The following HK1 variants were observed in gnomAD, a reference collection of about 807,000 sequenced individuals.
The protein encoded by HK1 is hexokinase 1.
A neutral mutation model predicts 91.6 loss-of-function variants in HK1; 28 were observed. The ratio of observed to expected loss-of-function variants is 0.31; its 90% CI spans 0.23 to 0.42. The LOEUF (loss-of-function observed/expected upper bound fraction) is 0.42. Among genes scored for constraint, HK1 ranks in the 10% least tolerant of loss-of-function variants. HK1 has a pLI of 1.00. For missense variants in HK1, 770 were observed against 1,219.8 expected (o/e 0.63, Z 5.49); for synonymous variants, 430 against 468.1 (o/e 0.92, Z 1.05).
chr10:69,303,128 C>T (rs1845960299), intron 5 of HK1, among the ~76,000 whole-genome samples: 2 of 151,522 alleles, frequency 1.3e-5, no homozygotes, highest in South Asian at 4.2e-4. Context: ...TCCAAAATAG[C>T]ATTTGGATAA....
At chr10:69,284,404 C>T (rs1175188768) in intron 2 of HK1, among the ~76,000 whole-genome samples, 1 of 152,042 alleles carries the variant, frequency 6.6e-6, no homozygotes, top group African/African-American at 2.4e-5. Flanking sequence ...AATTTAATGA[C>T]CTCCAAGAGA....
chr10:69,331,306 C>T (rs1308859995), intron 1 of HK1, among the ~76,000 whole-genome samples: 3 of 152,192 alleles, frequency 2.0e-5, no homozygotes, highest in Non-Finnish European at 4.4e-5. Flanking sequence ...CAGCCATAAA[C>T]CTAAGATGGG....
chr10:69,298,209 C>T (rs1845665714), intron 4 of HK1, among the ~76,000 whole-genome samples: 1 of 151,182 alleles, frequency 6.6e-6, no homozygotes, highest in African/African-American at 2.4e-5. Flanking sequence ...GAAACTCCAT[C>T]TCAAGGAAAA....
intron 2 of HK1, among the ~76,000 whole-genome samples, chr10:69,283,196 C>T (rs1844847551): frequency 6.7e-6 from 1 of 149,348 alleles, no homozygotes; most frequent in Admixed American, 6.7e-5. Flanking sequence ...CATGTAATCC[C>T]AGCACTTTGA....
At chr10:69,323,880 C>T (rs1847182183) in intron 1 of HK1, among the ~76,000 whole-genome samples, 2 of 152,204 alleles carry the variant, frequency 1.3e-5, no homozygotes. Context: ...CTGTGTGTGT[C>T]TGCAGTCAGG....
rs10578071 is a variant in HK1, at chr10:69,338,680, AGTGTGTGTGTGTGTGT to A, written c.64-5132_64-5117del. 332 of 1,169,580 alleles carry A rather than the reference AGTGTGTGTGTGTGTGT, an allele frequency of 2.8e-4. 1 individual carries two copies. The South Asian group carries it at 3.8e-3, about 13-fold the overall frequency. The allele number at this position is 1,169,580 out of a possible 1,614,324, so 72.5% of individuals were successfully genotyped here. A position where few individuals can be genotyped will look rare whatever the true frequency, so the allele number is the denominator to read the frequency against. On this transcript the variant is annotated intron_variant, in intron 1 of 17. Transcript: ENST00000359426. ...AAGGGGACAGGATTATGGAGATGTG[AGTGTGTGTGTGTGTGT>A]GTGTGTGTGTGTGTAAGTACTTGTG...
chr10:69,307,259 C>T (rs796335212), intron 5 of HK1, among the ~76,000 whole-genome samples: 25 of 152,212 alleles, frequency 1.6e-4, no homozygotes, highest in Middle Eastern at 3.4e-3. Context: ...GGAATCAACC[C>T]AAGCCAGAAG....
chr10:69,377,408 G>A (rs546113314), intron 8 of HK1, among the ~76,000 whole-genome samples: 89 of 148,426 alleles, frequency 6.0e-4, no homozygotes, highest in Non-Finnish European at 9.3e-4. Flanking sequence ...TAAGATTAGC[G>A]TCCAGGAAGC....
chr10:69,384,834 G>A lies in HK1; in HGVS notation c.1758G>A (p.Leu586=), dbSNP rs1839557281. 1.9e-6 allele frequency: 3 copies of A among 1,614,088 alleles called. No homozygotes were observed. The highest frequency in any genetic ancestry group is 2.5e-6 in the Non-Finnish European group (3 of 1,179,988). ...TTGTCTCCTGCATCTCTGACTTCTTGGACTACATGGGGATCAAAGGCCCCA... is the reference window on the plus strand; with the variant it reads ...TTGTCTCCTGCATCTCTGACTTCTTAGACTACATGGGGATCAAAGGCCCCA... ...DHIVSCISDF[L]DYMGIKGPRM... Residue 586 remains leucine, a synonymous_variant, in exon 12 of 18, where the codon TTG becomes TTA. Transcript: ENST00000359426.
chr10:69,336,929 G>A (rs1223242013), intron 1 of HK1, among the ~76,000 whole-genome samples: 3 of 152,146 alleles, frequency 2.0e-5, no homozygotes, highest in Non-Finnish European at 2.9e-5. Flanking sequence ...ACAAGCGTGA[G>A]CCACCGTGCC....
At chr10:69,277,431 G>A (rs760274711) in intron 1 of HK1, among the ~76,000 whole-genome samples, 4 of 152,092 alleles carry the variant, frequency 2.6e-5, no homozygotes, top group Non-Finnish European at 5.9e-5. Flanking sequence ...AGCCAGGCAT[G>A]GTGGTGCCCA....
At chr10:69,357,610 C>T (rs1049090291) in intron 2 of HK1, among the ~76,000 whole-genome samples, 2 of 152,058 alleles carry the variant, frequency 1.3e-5, no homozygotes, top group Non-Finnish European at 2.9e-5. Flanking sequence ...CCACCATGCC[C>T]ATCTAATCTT....
At chr10:69,273,434 T>G (rs1844280150) in intron 1 of HK1, among the ~76,000 whole-genome samples, 1 of 152,202 alleles carries the variant, frequency 6.6e-6, no homozygotes, top group Non-Finnish European at 1.5e-5. Flanking sequence ...GCCAGGATGG[T>G]CTCCATCTCC....
At chr10:69,392,887 T>C (rs778647741) in intron 15 of HK1, among the ~76,000 whole-genome samples, 12 of 152,172 alleles carry the variant, frequency 7.9e-5, no homozygotes, top group Non-Finnish European at 1.2e-4. Context: ...CCAGCATGAG[T>C]CACTCCCTAG....
At chr10:69,341,493 C>G (rs997242110) in intron 1 of HK1, among the ~76,000 whole-genome samples, 4 of 150,978 alleles carry the variant, frequency 2.6e-5, no homozygotes, top group African/African-American at 9.8e-5. Context: ...TAGAGACAGT[C>G]TCACTCTGTC....
intron 4 of HK1, among the ~76,000 whole-genome samples, chr10:69,367,479 A>G (rs1176342805): frequency 1.3e-5 from 2 of 152,136 alleles, no homozygotes. Flanking sequence ...GTCCCACAAC[A>G]CCTGGTTCTC....
intron 5 of HK1, chr10:69,300,892 A>C (rs1238529160): frequency 9.6e-7 from 1 of 1,037,196 alleles, no homozygotes; most frequent in Non-Finnish European, 1.5e-6. Flanking sequence ...TACCCACAAA[A>C]ACCTATTAGA....
At chr10:69,281,177 C>G (rs1302105104) in intron 1 of HK1, among the ~76,000 whole-genome samples, 3 of 152,188 alleles carry the variant, frequency 2.0e-5, no homozygotes, top group African/African-American at 7.2e-5. Flanking sequence ...ACAGAATCAC[C>G]AGGAGGGCTT....
intron 3 of HK1, chr10:69,288,900 C>T: frequency 1.3e-6 from 1 of 756,698 alleles, no homozygotes. Flanking sequence ...GATTCTCCTG[C>T]CTCAGCCTCC....
Sources: allele counts gnomAD v4.1 joint callset (sites outside exome capture counted in the v4.1 genomes callset), GRCh38; gene constraint gnomAD v4.1.1; transcripts MANE v1.5; gene names NCBI Gene and HGNC (gene_info 2026-07-23, HGNC 2026-07-21).